ZIC3: variants seen among roughly 807,000 people sequenced by gnomAD.
The protein encoded by ZIC3 is zinc finger protein ZIC 3.
ZIC3 carries 6 observed loss-of-function variants against 18.3 expected under a neutral mutation model. The observed-to-expected ratio is 0.33, with a 90% CI of 0.18 to 0.65. The LOEUF is 0.65. Among genes scored for constraint, ZIC3 ranks in the 30% least tolerant of loss-of-function variants. ZIC3 has a pLI of 0.75. For missense variants in ZIC3, 260 were observed against 410.0 expected, an observed-to-expected ratio of 0.63 and a Z score of 3.16; for synonymous variants, 175 against 177.0, an observed-to-expected ratio of 0.99 and a Z score of 0.09.
At chrX:137,577,505 A>G (rs1931527365) in exon 3 of ZIC3, 1 of 247,510 alleles carries the variant, frequency 4.0e-6, no homozygotes, top group Non-Finnish European at 7.2e-6. Flanking sequence ...CCCAGTATGC[A>G]TTATCTCATG....
At position 137,571,964 on chromosome X, in the gene ZIC3, C is replaced by T. The variant is rs1211084293; in HGVS notation, c.*1894C>T. 8.9e-6 allele frequency among the ~76,000 whole-genome samples: 1 copy of T among 112,065 alleles called. No individual in the cohort carries two copies. The highest frequency in any genetic ancestry group is 3.2e-5 in the African/African-American group (1 of 30,846). On this transcript the variant is annotated 3_prime_UTR_variant, in exon 3 of 3. Transcript: ENST00000287538. ...AGAATGTATTGAATAGGCTTAAGTA[C>T]CTCCTTTAAGGGGCAATGCTCTAGG...
chrX:137,568,815 G>T (rs1021456669), intron 1 of ZIC3, 87 bp from the exon 2 acceptor site: 12 of 1,084,075 alleles, frequency 1.1e-5, no homozygotes, highest in Non-Finnish European at 1.5e-5. Context: ...CGGGAAGACC[G>T]CCGGGAGCTC....
intron 1 of ZIC3, 59 bp downstream of exon 1, chrX:137,567,810 A>T (rs1015347770): frequency 1.2e-5 from 15 of 1,210,613 alleles, no homozygotes; most frequent in Non-Finnish European, 1.6e-5. Context: ...CACGCAGCGG[A>T]CTTAGAGCGC....
downstream of ZIC3, among the ~76,000 whole-genome samples, chrX:137,573,225 T>G (rs2124188781): frequency 9.1e-6 from 1 of 110,069 alleles, no homozygotes; most frequent in South Asian, 4.0e-4. Context: ...GGAATCAACT[T>G]GTTACTTTCC....
rs1931420926 is a variant in ZIC3, at chrX:137,570,396, A to G, written c.*326A>G. ...ACACTTGTCCTGTTTCTTGAGAGGA[A>G]GTTATAGAAGGCTTGTTGGTGGTGG... On this transcript the variant is annotated 3_prime_UTR_variant, in exon 3 of 3. Transcript: ENST00000287538. The G allele has an allele frequency of 3.6e-6, 1 of 281,263 alleles. No homozygotes were observed. The highest frequency in any genetic ancestry group is 2.7e-5 in the African/African-American group (1 of 37,154). 23.2% of individuals were successfully genotyped at this position (281,263 alleles called of 1,213,427 possible).
In ZIC3 at chrX:137,566,621, C is replaced by A. The variant is rs892107072; in HGVS notation, c.-71C>A. ...CCACCCCTTTCCGACTACGGCACTT[C>A]GGAGATCTCCTCCTTCGCCGGTACC... On this transcript the variant is annotated 5_prime_UTR_variant, in exon 1 of 3. Transcript: ENST00000287538. 1.7e-6 allele frequency: 2 copies of A among 1,166,947 alleles called. No individual in the cohort carries two copies. Among genetic ancestry groups the A allele is most frequent in the Admixed American group, 2.5e-5 (1 of 40,677 alleles).
intron 2 of ZIC3, 65 bp from the exon 3 acceptor site, chrX:137,569,826 T>C: frequency 9.1e-7 from 1 of 1,096,294 alleles, no homozygotes; most frequent in Admixed American, 2.3e-5. Flanking sequence ...AATTCTGCTC[T>C]TGTTTTTGCT....
chrX:137,576,198 A>G (rs1931512950), downstream of ZIC3, among the ~76,000 whole-genome samples: 1 of 107,514 alleles, frequency 9.3e-6, no homozygotes. Context: ...CTATTTTTCC[A>G]TTCTGTAGTG....
chrX:137,567,903 C>A, intron 1 of ZIC3, 152 bp downstream of exon 1: 1 of 986,381 alleles, frequency 1.0e-6, no homozygotes, highest in Non-Finnish European at 1.4e-6. Flanking sequence ...TGACCATCCA[C>A]CCCTAGCCCT....
At position 137,566,129 on chromosome X, in the gene ZIC3, C is replaced by T. The variant is rs1931333693; in HGVS notation, c.-563C>T. The T allele has an allele frequency of 8.6e-6, 1 of 116,640 alleles. No individual in the cohort carries two copies. The highest frequency in any genetic ancestry group is 3.2e-5 in the African/African-American group (1 of 31,370). The allele number at this position is 116,640 out of a possible 1,213,427, so 9.6% of individuals were successfully genotyped here. On this transcript the variant is annotated 5_prime_UTR_variant, in exon 1 of 3. Coordinates refer to ENST00000287538, the MANE Select transcript of ZIC3 (RefSeq NM_003413.4). The stretch of plus-strand genomic sequence containing the variant: ...GCGAGGAGTGAGTGATTGACTTTAT[C>T]AGTCCAAGGACATTACTCTGGAGGC...
downstream of ZIC3, among the ~76,000 whole-genome samples, chrX:137,576,054 AT>A (rs397956388): frequency 9.9e-3 from 923 of 93,436 alleles, 5 homozygotes; most frequent in Non-Finnish European, 0.014. Context: ...CACCAAGCCG[AT>A]TTTTTTTTTT....
chrX:137,574,333 T>C (rs1396265225), downstream of ZIC3, among the ~76,000 whole-genome samples: 2 of 113,467 alleles, frequency 1.8e-5, no homozygotes, highest in Non-Finnish European at 3.8e-5. Context: ...TGGGGACTGG[T>C]TGTCGGCCCG....
chrX:137,569,124 G>T, intron 2 of ZIC3, 59 bp downstream of exon 2: 1 of 1,189,859 alleles, frequency 8.4e-7, no homozygotes, highest in Non-Finnish European at 1.1e-6. Context: ...ACGCCGGGCC[G>T]CGGAACGGAA....
intron 1 of ZIC3, among the ~76,000 whole-genome samples, chrX:137,568,227 A>C (rs1020646042): frequency 1.8e-5 from 2 of 111,927 alleles, no homozygotes; most frequent in Non-Finnish European, 3.8e-5. Flanking sequence ...TTGTCAAACT[A>C]TTTTTATTTG....
In ZIC3 at chrX:137,571,705, C is replaced by T. The variant is rs1257865764; in HGVS notation, c.*1635C>T. On this transcript the variant is annotated 3_prime_UTR_variant, in exon 3 of 3. Coordinates refer to ENST00000287538, the MANE Select transcript of ZIC3 (RefSeq NM_003413.4). ...CATTAAAATCAATAACAATGAAAAA[C>T]GGTTGTTTGCTTTGTGATAAAATGT... 8.9e-6 allele frequency: 1 copy of T among 112,529 alleles called. No homozygotes were observed. The highest frequency in any genetic ancestry group is 3.2e-5 in the African/African-American group (1 of 30,903). The allele number at this position is 112,529 out of a possible 1,213,427, so 9.3% of individuals were successfully genotyped here.
chrX:137,568,374 CT>C (rs760909020), intron 1 of ZIC3, among the ~76,000 whole-genome samples: 1 of 110,369 alleles, frequency 9.1e-6, no homozygotes, highest in Non-Finnish European at 1.9e-5. Flanking sequence ...ATCTATCTAT[CT>C]ATCTATCTAT....
At chrX:137,577,009 A>G (rs924953002), downstream of ZIC3, 1 of 423,042 alleles carries the variant, frequency 2.4e-6, no homozygotes, top group African/African-American at 2.4e-5. Flanking sequence ...GTGTTTTATT[A>G]TAAACCAGAG....
rs1279688313 is a variant in ZIC3 at position 137,567,072 on chromosome X, C to T, written c.381C>T (p.Leu127=). 9 of 1,186,708 alleles carry T rather than the reference C, an allele frequency of 7.6e-6. No homozygotes were observed. Among genetic ancestry groups the T allele is most frequent in the Non-Finnish European group, 1.0e-5 (9 of 883,411 alleles). The change falls in exon 1 of 3, where the codon CTC becomes CTT. Residue 127 remains leucine, a synonymous_variant. Transcript: ENST00000287538. ...TGTTCCGCCAGCGCAGCTCCGGGCT[C>T]AGTGAGGCGGCCTCGGGTGGCGGGC... ...EFLFRQRSSG[L]SEAASGGGQH... is the part of the protein sequence containing the mutation.
intron 1 of ZIC3, chrX:137,568,691 A>AC: frequency 5.1e-5 from 1 of 19,648 alleles, no homozygotes; most frequent in South Asian, 1.2e-3. Context: ...GCCCCGCCCC[A>AC]CCCCCACCCC....
Sources: gnomAD v4.1 joint callset for allele counts (sites outside exome capture counted in the v4.1 genomes callset) on GRCh38, gnomAD v4.1.1 for gene constraint, MANE v1.5 for transcripts, NCBI Gene and HGNC (gene_info 2026-07-23, HGNC 2026-07-21) for gene names.